NPAS2: variants seen among roughly 807,000 people sequenced by gnomAD.
The protein encoded by NPAS2 is neuronal PAS domain-containing protein 2.
NPAS2 carries 23 observed loss-of-function variants against 107.5 expected under a neutral mutation model. The ratio of observed to expected loss-of-function variants is 0.21; its 90% CI spans 0.15 to 0.30. The LOEUF (loss-of-function observed/expected upper bound fraction) is 0.30, where lower values mean the gene tolerates loss of function less well. Ranked by LOEUF, NPAS2 falls within the 10% of genes least tolerant of loss-of-function variation. NPAS2 has a pLI of 1.00. For synonymous variants in NPAS2, 403 were observed against 417.5 expected (o/e 0.97, Z 0.42); for missense variants, 756 against 1,043.3 (o/e 0.72, Z 3.79).
intron 17 of NPAS2, chr2:100,988,672 C>A: frequency 3.1e-6 from 1 of 323,948 alleles, no homozygotes; most frequent in Middle Eastern, 1.1e-3. Context: ...TTAACCATTA[C>A]CCACATGAGC....
intron 16 of NPAS2, chr2:100,985,564 C>T (rs1677732139): frequency 6.6e-6 from 1 of 152,252 alleles, no homozygotes; most frequent in Non-Finnish European, 1.5e-5. Flanking sequence ...TATGTTTATT[C>T]ATTCATACAT....
Position 100,853,958 on chromosome 2 carries a change from T to C in NPAS2, c.-23+33544T>C, listed in dbSNP as rs578191351. On this transcript the variant is annotated intron_variant, in intron 1 of 20. Transcript: ENST00000335681. ...ACTTTGGGAGGCCGAGGCAGGAAGA[T>C]GGCTTCAGCCCACGACAAAAAAAAA... Among the ~76,000 whole-genome samples, 14 of 134,986 alleles carry C rather than the reference T, an allele frequency of 1.0e-4. 1 individual carries two copies. The highest frequency in any genetic ancestry group is 7.4e-4 in the South Asian group (3 of 4,078). The allele number at this position is 134,986 out of a possible 152,430, so 88.6% of individuals were successfully genotyped here. A position where few individuals can be genotyped will look rare whatever the true frequency, so the allele number is the denominator to read the frequency against.
intron 2 of NPAS2, 102 bp from the exon 3 acceptor site, chr2:100,925,044 A>T: frequency 2.5e-6 from 3 of 1,211,722 alleles, no homozygotes; most frequent in Non-Finnish European, 3.4e-6. Context: ...GATAAGATAG[A>T]TGATCACAAT....
chr2:100,986,316 A>C (rs1383322417), intron 16 of NPAS2: 1 of 152,172 alleles, frequency 6.6e-6, no homozygotes, highest in African/African-American at 2.4e-5. Flanking sequence ...CATGAAACAG[A>C]TGCTTGAGCG....
At chr2:100,871,577 C>T (rs753597796) in intron 1 of NPAS2, among the ~76,000 whole-genome samples, 2 of 152,096 alleles carry the variant, frequency 1.3e-5, no homozygotes, top group Non-Finnish European at 2.9e-5. Context: ...GTGATCTGCC[C>T]GCCTTATCCT....
rs955601464 is a variant in NPAS2, at chr2:100,963,985, A to C, written c.599-73A>C. 17 of 891,404 alleles carry C rather than the reference A, an allele frequency of 1.9e-5. No individual in the cohort carries two copies. The Admixed American group carries it at 3.2e-4, about 17-fold the overall frequency. 55.2% of individuals were successfully genotyped at this position (891,404 alleles called of 1,614,324 possible). A position where few individuals can be genotyped will look rare whatever the true frequency, so the allele number is the denominator to read the frequency against. On this transcript the variant is annotated intron_variant, in intron 7 of 20. Coordinates refer to ENST00000335681, the MANE Select transcript of NPAS2 (RefSeq NM_002518.4). ...GGGGGCAGCGCTTGGCTTACAGTTA[A>C]GTGCCAACTAGGGATTGGCTGCTGT...
At chr2:100,942,937 T>C (rs10210951) in intron 5 of NPAS2, among the ~76,000 whole-genome samples, 2,402 of 152,316 alleles carry the variant, frequency 0.016, 58 homozygotes, top group African/African-American at 0.054. Flanking sequence ...TTCTTATTGC[T>C]GGGTGTGTTC....
intron 1 of NPAS2, chr2:100,901,594 G>T: frequency 1.0e-6 from 1 of 974,164 alleles, no homozygotes. Context: ...TGCAGCAGGA[G>T]ATCAGAGGGT....
intron 4 of NPAS2, among the ~76,000 whole-genome samples, chr2:100,933,841 A>C (rs1378442069): frequency 2.0e-5 from 3 of 152,204 alleles, no homozygotes; most frequent in African/African-American, 7.2e-5. Flanking sequence ...GGGACAGATG[A>C]GCTCAGCAAA....
In NPAS2 at chr2:100,974,838, T is replaced by C. The variant is rs148732560; in HGVS notation, c.1176T>C (p.Phe392=). The C allele has an allele frequency of 6.2e-7, 1 of 1,614,030 alleles. No homozygotes were observed. Among genetic ancestry groups the C allele is most frequent in the African/African-American group, 1.3e-5 (1 of 74,930 alleles). Residue 392 remains phenylalanine, a synonymous_variant, in exon 13 of 21, where the codon TTT becomes TTC. Transcript: ENST00000335681. The part of the protein sequence containing the change: ...KGSSLEPRQH[F]NTLDVGASGL... Reference sequence around the variant, plus strand: ...CAAGCCTGGAACCTCGGCAGCACTTTAACACACTCGACGTGGGTGCCTCGG... The same window carrying C: ...CAAGCCTGGAACCTCGGCAGCACTTCAACACACTCGACGTGGGTGCCTCGG...
chr2:100,863,100 C>G (rs1284318716), intron 1 of NPAS2, among the ~76,000 whole-genome samples: 3 of 152,216 alleles, frequency 2.0e-5, no homozygotes, highest in Non-Finnish European at 4.4e-5. Context: ...TCTGATGCCT[C>G]TGAAAGCCTA....
intron 5 of NPAS2, among the ~76,000 whole-genome samples, chr2:100,944,088 C>T (rs890319739): frequency 2.0e-5 from 3 of 152,242 alleles, no homozygotes; most frequent in Non-Finnish European, 2.9e-5. Flanking sequence ...ACCATATGGC[C>T]GTTAGTTTGA....
chr2:100,974,237 G>T (rs181166284), intron 12 of NPAS2, among the ~76,000 whole-genome samples: 1 of 152,178 alleles, frequency 6.6e-6, no homozygotes, highest in African/African-American at 2.4e-5. Flanking sequence ...CTGCTTTCTC[G>T]TCACACTGTA....
At chr2:100,859,767 T>C (rs772141397) in intron 1 of NPAS2, among the ~76,000 whole-genome samples, 2 of 152,096 alleles carry the variant, frequency 1.3e-5, no homozygotes, top group Non-Finnish European at 2.9e-5. Context: ...GGTGGGTGGG[T>C]TGGTTGGTTG....
intron 17 of NPAS2, chr2:100,988,792 CCCATTGCTCCTCCAGGTCT>C (rs1183963888): frequency 1.1e-4 from 28 of 262,886 alleles, no homozygotes; most frequent in African/African-American, 6.9e-4. Flanking sequence ...CCTCCAGGCC[CCCATTGCTCCTCCAGGTCT>C]CCCTGCTCCT....
At chr2:100,896,640 C>T (rs1052685858) in intron 1 of NPAS2, among the ~76,000 whole-genome samples, 7 of 152,212 alleles carry the variant, frequency 4.6e-5, no homozygotes, top group Non-Finnish European at 5.9e-5. Flanking sequence ...AGCTCCTGCA[C>T]ATGCAGAAGT....
intron 7 of NPAS2, among the ~76,000 whole-genome samples, chr2:100,956,148 C>T (rs1205224881): frequency 1.3e-5 from 2 of 152,162 alleles, no homozygotes; most frequent in African/African-American, 4.8e-5. Flanking sequence ...CTAAGCAATC[C>T]TCCCGCCTTG....
chr2:100,975,594 A>C, intron 14 of NPAS2, 27 bp downstream of exon 14: 1 of 1,532,276 alleles, frequency 6.5e-7, no homozygotes, highest in Non-Finnish European at 9.0e-7. Flanking sequence ...AAACTCCTCC[A>C]CGGGTGTACG....
chr2:100,842,081 G>GCGCGCACACACACACACACACACA, intron 1 of NPAS2, among the ~76,000 whole-genome samples: 58 of 148,902 alleles, frequency 3.9e-4, no homozygotes, highest in Admixed American at 8.7e-4. Context: ...GCATGTACGC[G>GCGCGCACACACACACACACACACA]CACACACACA....
Sources: allele counts gnomAD v4.1 joint callset (sites outside exome capture counted in the v4.1 genomes callset), GRCh38; gene constraint gnomAD v4.1.1; transcripts MANE v1.5; gene names NCBI Gene and HGNC (gene_info 2026-07-23, HGNC 2026-07-21).